The following STAG1 variants were observed in gnomAD, a reference collection of about 807,000 sequenced individuals.
STAG1 encodes cohesin subunit SA-1.
Under a neutral mutation model 170.9 loss-of-function variants are expected in STAG1, and 26 were observed. The ratio of observed to expected loss-of-function variants is 0.15; its 90% CI spans 0.11 to 0.21. The LOEUF (loss-of-function observed/expected upper bound fraction) is 0.21. Among genes scored for constraint, STAG1 ranks in the 10% least tolerant of loss-of-function variants. The pLI is 1.00. For missense variants in STAG1, 964 were observed against 1,509.5 expected, an observed-to-expected ratio of 0.64 and a Z score of 5.99; for synonymous variants, 514 against 497.7, an observed-to-expected ratio of 1.03 and a Z score of -0.44.
At chr3:136,355,222 C>T (rs554434091) in intron 28 of STAG1, among the ~76,000 whole-genome samples, 6 of 151,498 alleles carry the variant, frequency 4.0e-5, no homozygotes, top group African/African-American at 1.2e-4. Flanking sequence ...TGTGGTGGCA[C>T]GCGCCTATAG....
chr3:136,595,279 C>T (rs1005953707), intron 4 of STAG1, among the ~76,000 whole-genome samples: 1 of 152,132 alleles, frequency 6.6e-6, no homozygotes, highest in Non-Finnish European at 1.5e-5. Flanking sequence ...TCCTCCAATA[C>T]CTATATTCAC....
chr3:136,671,626 G>C (rs1024601290), intron 1 of STAG1, among the ~76,000 whole-genome samples: 2 of 152,220 alleles, frequency 1.3e-5, no homozygotes, highest in Non-Finnish European at 2.9e-5. Flanking sequence ...ACCTGGTGCA[G>C]TGGCACACAC....
chr3:136,749,133 CATTACG>C (rs1373975155), intron 1 of STAG1, among the ~76,000 whole-genome samples: 1 of 152,166 alleles, frequency 6.6e-6, no homozygotes, highest in Non-Finnish European at 1.5e-5. Context: ...AACGGGATAT[CATTACG>C]GTGATTATAT....
At chr3:136,477,099 G>A (rs934867812) in intron 10 of STAG1, among the ~76,000 whole-genome samples, 190 bp downstream of exon 10, 1 of 151,946 alleles carries the variant, frequency 6.6e-6, no homozygotes, top group Non-Finnish European at 1.5e-5. Context: ...AACAAGATAG[G>A]GTCTTCACCC....
chr3:136,682,592 T>C (rs1942374982), intron 1 of STAG1, among the ~76,000 whole-genome samples: 1 of 151,812 alleles, frequency 6.6e-6, no homozygotes, highest in Admixed American at 6.6e-5. Context: ...TGATACACTT[T>C]TAAACAATTT....
At chr3:136,567,745 G>C (rs1005163713) in intron 5 of STAG1, among the ~76,000 whole-genome samples, 1 of 152,142 alleles carries the variant, frequency 6.6e-6, no homozygotes, top group Non-Finnish European at 1.5e-5. Context: ...CAATGTACAA[G>C]ATAAAGATCA....
intron 23 of STAG1, among the ~76,000 whole-genome samples, chr3:136,371,133 G>GT (rs1165900110): frequency 6.6e-6 from 1 of 152,112 alleles, no homozygotes; most frequent in Non-Finnish European, 1.5e-5. Context: ...TTTTTCATGT[G>GT]TTTTTTGGCT....
chr3:136,358,723 T>C (rs1262152928), intron 27 of STAG1, among the ~76,000 whole-genome samples: 1 of 152,040 alleles, frequency 6.6e-6, no homozygotes, highest in Non-Finnish European at 1.5e-5. Flanking sequence ...TGCAGGCACA[T>C]GCCACTATGC....
At chr3:136,522,895 A>G (rs962131536) in intron 6 of STAG1, among the ~76,000 whole-genome samples, 26 of 152,126 alleles carry the variant, frequency 1.7e-4, no homozygotes, top group Non-Finnish European at 5.9e-5. Context: ...AAAGGACATG[A>G]ACTCATCATT....
At chr3:136,492,349 G>A (rs1442628948) in intron 9 of STAG1, among the ~76,000 whole-genome samples, 1 of 152,140 alleles carries the variant, frequency 6.6e-6, no homozygotes, top group African/African-American at 2.4e-5. Context: ...TTAAATAACT[G>A]TTGTTTCTAC....
intron 6 of STAG1, among the ~76,000 whole-genome samples, chr3:136,528,906 T>C (rs1070230): frequency 6.6e-6 from 1 of 151,608 alleles, no homozygotes; most frequent in African/African-American, 2.4e-5. Flanking sequence ...CTCCAGTCTG[T>C]GTGACAAAGC....
chr3:136,387,672 G>A (rs528171152), intron 22 of STAG1, among the ~76,000 whole-genome samples: 2 of 152,176 alleles, frequency 1.3e-5, no homozygotes, highest in Non-Finnish European at 2.9e-5. Flanking sequence ...ATAATAAAAC[G>A]ACTATTTGAT....
At chr3:136,461,839 C>T (rs987666027) in intron 13 of STAG1, among the ~76,000 whole-genome samples, 1 of 152,102 alleles carries the variant, frequency 6.6e-6, no homozygotes, top group African/African-American at 2.4e-5. Flanking sequence ...GGTACTCAAA[C>T]AACCCCTTAG....
At chr3:136,537,500 T>TC (rs1334648519) in intron 6 of STAG1, among the ~76,000 whole-genome samples, 2 of 143,012 alleles carry the variant, frequency 1.4e-5, no homozygotes, top group Non-Finnish European at 3.1e-5. Flanking sequence ...GTTTATTTTT[T>TC]TTTTGTTTTT....
chr3:136,460,058 T>C (rs943404448), intron 13 of STAG1, among the ~76,000 whole-genome samples: 4 of 151,892 alleles, frequency 2.6e-5, no homozygotes, highest in Non-Finnish European at 5.9e-5. Flanking sequence ...TAAGACTAAA[T>C]ACAAAAGACC....
At chr3:136,547,133 A>C (rs1223154209) in intron 5 of STAG1, among the ~76,000 whole-genome samples, 2 of 152,202 alleles carry the variant, frequency 1.3e-5, no homozygotes, top group Non-Finnish European at 2.9e-5. Context: ...TTTTTAAAAA[A>C]TATGCTTTCT....
intron 22 of STAG1, among the ~76,000 whole-genome samples, chr3:136,382,947 G>C (rs1271592454): frequency 4.6e-5 from 7 of 152,138 alleles, no homozygotes; most frequent in Admixed American, 4.6e-4. Context: ...TAAATCCTTT[G>C]AACAGTTGGG....
intron 10 of STAG1, among the ~76,000 whole-genome samples, chr3:136,476,453 A>C (rs2089752497): frequency 6.6e-6 from 1 of 152,218 alleles, no homozygotes; most frequent in Non-Finnish European, 1.5e-5. Flanking sequence ...TGCTCAATGA[A>C]TATGGTATTC....
At chr3:136,373,444 G>C (rs1303817844) in intron 23 of STAG1, among the ~76,000 whole-genome samples, 1 of 152,026 alleles carries the variant, frequency 6.6e-6, no homozygotes, top group Non-Finnish European at 1.5e-5. Flanking sequence ...TGATGTTACG[G>C]TGTCAATTTT....
Sources: allele counts gnomAD v4.1 joint callset (sites outside exome capture counted in the v4.1 genomes callset), GRCh38; gene constraint gnomAD v4.1.1; transcripts MANE v1.5; gene names NCBI Gene and HGNC (gene_info 2026-07-23, HGNC 2026-07-21).